Variants in LNX1 observed in about 807,000 individuals in gnomAD.
The protein encoded by LNX1 is E3 ubiquitin-protein ligase LNX.
In LNX1, 54 loss-of-function variants were observed where a neutral mutation model predicts 68.4. The ratio of observed to expected loss-of-function variants is 0.79; its 90% CI spans 0.63 to 0.99. LNX1 has a LOEUF of 0.99. Among genes scored for constraint, LNX1 ranks in the 50% least tolerant of loss-of-function variants. LNX1 has a pLI of 0.00. For synonymous variants in LNX1, 336 were observed against 350.0 expected (o/e 0.96, Z 0.45); for missense variants, 906 against 926.4 (o/e 0.98, Z 0.29).
At chr4:53,576,058 C>G in intron 1 of LNX1, 8 of 1,560,186 alleles carry the variant, frequency 5.1e-6, no homozygotes, top group Non-Finnish European at 6.1e-6. Flanking sequence ...GCTCCAGGAA[C>G]TCTGCATCCC....
intron 9 of LNX1, among the ~76,000 whole-genome samples, chr4:53,468,985 C>G (rs975966744): frequency 1.1e-4 from 16 of 152,168 alleles, no homozygotes; most frequent in African/African-American, 3.9e-4. Flanking sequence ...CTGCACCAAG[C>G]AGACCTAATA....
intron 1 of LNX1, among the ~76,000 whole-genome samples, chr4:53,637,979 C>T (rs1362288425): frequency 1.3e-5 from 2 of 152,154 alleles, no homozygotes; most frequent in Non-Finnish European, 2.9e-5. Flanking sequence ...TTGAAACTAC[C>T]ACTTTAGAAG....
intron 2 of LNX1, among the ~76,000 whole-genome samples, chr4:53,511,670 T>C (rs1726349036): frequency 6.6e-6 from 1 of 152,174 alleles, no homozygotes; most frequent in South Asian, 2.1e-4. Flanking sequence ...TTTTTGTCTC[T>C]TTTGGGGTTG....
At chr4:53,465,639 A>G (rs1223235667) in intron 9 of LNX1, among the ~76,000 whole-genome samples, 5 of 152,262 alleles carry the variant, frequency 3.3e-5, no homozygotes, top group African/African-American at 1.2e-4. Flanking sequence ...TGTATGGTCC[A>G]GAGCTAGTTG....
At chr4:53,524,522 T>C (rs1577659621) in intron 2 of LNX1, among the ~76,000 whole-genome samples, 2 of 152,322 alleles carry the variant, frequency 1.3e-5, no homozygotes, top group African/African-American at 2.4e-5. Flanking sequence ...AAGGCCCAGA[T>C]GATTTTTCTT....
intron 2 of LNX1, among the ~76,000 whole-genome samples, chr4:53,543,616 C>A (rs574816512): frequency 1.3e-5 from 2 of 151,772 alleles, no homozygotes; most frequent in East Asian, 3.9e-4. Context: ...TTTTTCAGAA[C>A]ATTAATTTAC....
At chr4:53,574,146 A>G (rs1731342820) in intron 1 of LNX1, 58 bp from the exon 2 acceptor site, 4 of 1,259,654 alleles carry the variant, frequency 3.2e-6, no homozygotes, top group African/African-American at 1.5e-5. Flanking sequence ...GCTTATGCTT[A>G]TGGTAGACAT....
intron 2 of LNX1, among the ~76,000 whole-genome samples, chr4:53,530,069 T>A (rs1727914732): frequency 6.6e-6 from 1 of 152,206 alleles, no homozygotes; most frequent in Non-Finnish European, 1.5e-5. Context: ...TTAAATACTT[T>A]CTCCATCAAA....
chr4:53,590,329 T>G (rs1300617828), intron 1 of LNX1, among the ~76,000 whole-genome samples: 1 of 152,216 alleles, frequency 6.6e-6, no homozygotes, highest in African/African-American at 2.4e-5. Flanking sequence ...GATTATTCCC[T>G]TGCAAACATC....
At chr4:53,589,900 A>T (rs1338621564) in intron 1 of LNX1, among the ~76,000 whole-genome samples, 1 of 152,190 alleles carries the variant, frequency 6.6e-6, no homozygotes, top group Non-Finnish European at 1.5e-5. Flanking sequence ...AGACATGCTG[A>T]CATACAGTGA....
chr4:53,494,839 T>C (rs921557824), intron 6 of LNX1, among the ~76,000 whole-genome samples: 1 of 152,220 alleles, frequency 6.6e-6, no homozygotes, highest in African/African-American at 2.4e-5. Flanking sequence ...GCTCACAGCT[T>C]ATGAAACGTC....
intron 1 of LNX1, among the ~76,000 whole-genome samples, chr4:53,589,727 A>G (rs1247262013): frequency 1.3e-5 from 2 of 152,218 alleles, no homozygotes; most frequent in Non-Finnish European, 2.9e-5. Flanking sequence ...ACTTGAACCA[A>G]TGGGTGGAGT....
At chr4:53,529,120 C>CACACACACACACACACACACAT (rs1434633639) in intron 2 of LNX1, among the ~76,000 whole-genome samples, 2 of 151,766 alleles carry the variant, frequency 1.3e-5, no homozygotes, top group Non-Finnish European at 2.9e-5. Context: ...CACACACACA[C>CACACACACACACACACACACAT]ACACACACAC....
At chr4:53,484,657 CT>C (rs1724168404) in intron 6 of LNX1, among the ~76,000 whole-genome samples, 1 of 152,170 alleles carries the variant, frequency 6.6e-6, no homozygotes, top group South Asian at 2.1e-4. Flanking sequence ...ATCTTCATGA[CT>C]TTGCACTCTT....
chr4:53,600,544 C>A (rs1456410240), intron 2 of LNX1, among the ~76,000 whole-genome samples: 4 of 152,024 alleles, frequency 2.6e-5, no homozygotes, highest in African/African-American at 4.8e-5. Context: ...AAGAGAATAT[C>A]ATGAAAACCA....
At chr4:53,649,814 G>C (rs1735024147) in intron 1 of LNX1, among the ~76,000 whole-genome samples, 1 of 152,160 alleles carries the variant, frequency 6.6e-6, no homozygotes, top group African/African-American at 2.4e-5. Context: ...TTTATTGCTT[G>C]TCTGCTTCCC....
chr4:53,628,068 A>G lies in LNX1; in HGVS notation c.-215+24100T>C, dbSNP rs565799757. Among the ~76,000 whole-genome samples the G allele has an allele frequency of 2.9e-3, 446 of 152,312 alleles. 15 individuals carry two copies. Among genetic ancestry groups the G allele is most frequent in the Non-Finnish European group, 2.9e-3 (195 of 68,022 alleles). On this transcript the variant is annotated intron_variant, in intron 1 of 2. Transcript: ENST00000507168. ...TCTTTAGTGCCTCTTCAAATTTTCA[A>G]GTGGGAGTGAAAATTAAATCCACTA...
chr4:53,478,880 T>A, intron 7 of LNX1, 138 bp from the exon 8 acceptor site: 2 of 786,304 alleles, frequency 2.5e-6, no homozygotes, highest in Middle Eastern at 2.6e-4. Flanking sequence ...AGTGCATAAA[T>A]ACAATGGTGG....
intron 1 of LNX1, among the ~76,000 whole-genome samples, chr4:53,639,340 G>A (rs1734592225): frequency 6.6e-6 from 1 of 152,110 alleles, no homozygotes; most frequent in Non-Finnish European, 1.5e-5. Context: ...ACAGCAGGGA[G>A]GAGTGAGTGG....
Sources: allele counts gnomAD v4.1 joint callset (sites outside exome capture counted in the v4.1 genomes callset), GRCh38; gene constraint gnomAD v4.1.1; transcripts MANE v1.5; gene names NCBI Gene and HGNC (gene_info 2026-07-23, HGNC 2026-07-21).